Variants in RNLS observed in about 807,000 individuals in gnomAD.
RNLS encodes the protein renalase.
RNLS carries 39 observed loss-of-function variants against 39.8 expected under a neutral mutation model. The ratio of observed to expected loss-of-function variants is 0.98; its 90% CI spans 0.76 to 1.28. The LOEUF is 1.28. RNLS is among the 50% of genes most tolerant of loss of function. The pLI, the probability that RNLS is intolerant of heterozygous loss-of-function variation, is 0.00. For synonymous variants in RNLS, 147 were observed against 150.7 expected (o/e 0.98, Z 0.18); for missense variants, 410 against 413.3 (o/e 0.99, Z 0.07).
chr10:88,204,265 C>T, the RNLS span, among the ~76,000 whole-genome samples: 1 of 151,998 alleles, frequency 6.6e-6, no homozygotes, highest in Admixed American at 6.6e-5. Context: ...AACCCTAAGC[C>T]CTGTGCCTTG....
intron 4 of RNLS, among the ~76,000 whole-genome samples, chr10:88,471,094 A>AACCT (rs1201694391): frequency 6.6e-6 from 1 of 152,178 alleles, no homozygotes; most frequent in African/African-American, 2.4e-5. Context: ...AAGTAAAGGT[A>AACCT]ACCTACCTAC....
intron 4 of RNLS, among the ~76,000 whole-genome samples, chr10:88,494,843 G>C (rs1012925885): frequency 2.0e-5 from 3 of 152,102 alleles, no homozygotes; most frequent in African/African-American, 7.2e-5. Flanking sequence ...AAACAGTTCA[G>C]CAGAAATTTC....
intron 5 of RNLS, among the ~76,000 whole-genome samples, chr10:88,349,745 T>C (rs1406228489): frequency 1.3e-5 from 2 of 151,764 alleles, no homozygotes; most frequent in Non-Finnish European, 1.5e-5. Context: ...TATAAGTACA[T>C]ATATACATTG....
chr10:88,506,894 C>T (rs879840012), intron 4 of RNLS, among the ~76,000 whole-genome samples: 10 of 152,114 alleles, frequency 6.6e-5, no homozygotes, highest in Non-Finnish European at 1.3e-4. Flanking sequence ...GTGGAGGTAA[C>T]GGGGTTGGTC....
intron 4 of RNLS, among the ~76,000 whole-genome samples, chr10:88,445,935 A>G (rs1398090640): frequency 6.6e-6 from 1 of 152,236 alleles, no homozygotes; most frequent in African/African-American, 2.4e-5. Context: ...GATATCCAGG[A>G]ATTGAACTCA....
the RNLS span, among the ~76,000 whole-genome samples, chr10:88,188,179 C>T: frequency 4.6e-5 from 7 of 152,124 alleles, no homozygotes; most frequent in African/African-American, 1.7e-4. Flanking sequence ...GCCTCAGCCT[C>T]CTGCATAGCT....
At chr10:88,174,986 T>C in the RNLS span, among the ~76,000 whole-genome samples, 26,182 of 152,120 alleles carry the variant, frequency 0.17, 2,428 homozygotes, top group Non-Finnish European at 0.2. Context: ...TTCAATTTTG[T>C]TAGCTTATAT....
chr10:88,310,224 G>A (rs1282348697), intron 6 of RNLS, among the ~76,000 whole-genome samples: 1 of 151,892 alleles, frequency 6.6e-6, no homozygotes, highest in Non-Finnish European at 1.5e-5. Context: ...AAAAATGTAT[G>A]CGTAAATAAA....
In RNLS at chr10:88,300,812, A is replaced by G. The variant is rs1199085310; in HGVS notation, c.876+13654T>C. ...TATATAGTATTAATTTATAATCTGG[A>G]TATGACTACTAAACTTTTTTTGTTT... On this transcript the variant is annotated intron_variant, in intron 6 of 6. Coordinates refer to ENST00000331772, the MANE Select transcript of RNLS (RefSeq NM_001031709.3). 3.3e-5 allele frequency among the ~76,000 whole-genome samples: 5 copies of G among 152,222 alleles called. 1 individual carries two copies. Among genetic ancestry groups the G allele is most frequent in the African/African-American group, 1.2e-4 (5 of 41,458 alleles).
chr10:88,349,892 T>G (rs1160169952), intron 5 of RNLS, among the ~76,000 whole-genome samples: 3 of 152,082 alleles, frequency 2.0e-5, no homozygotes, highest in Non-Finnish European at 4.4e-5. Context: ...TTAAATTGCT[T>G]TAACAGATTT....
chr10:88,350,047 A>G (rs1329080272), intron 5 of RNLS, among the ~76,000 whole-genome samples: 1 of 152,114 alleles, frequency 6.6e-6, no homozygotes, highest in Non-Finnish European at 1.5e-5. Context: ...TTTTAAAACA[A>G]AAGCCCAAAC....
chr10:88,264,620 C>G, the RNLS span, among the ~76,000 whole-genome samples: 1 of 152,022 alleles, frequency 6.6e-6, no homozygotes, highest in Non-Finnish European at 1.5e-5. Flanking sequence ...GTTGGTTGCC[C>G]ATTTGTATAT....
At chr10:88,300,552 C>T (rs1844438722) in intron 6 of RNLS, among the ~76,000 whole-genome samples, 1 of 152,190 alleles carries the variant, frequency 6.6e-6, no homozygotes, top group Non-Finnish European at 1.5e-5. Context: ...CTTTTAGGAG[C>T]TACTTCTTAC....
chr10:88,541,777 T>C (rs1307603190), intron 4 of RNLS, among the ~76,000 whole-genome samples: 1 of 152,138 alleles, frequency 6.6e-6, no homozygotes, highest in East Asian at 1.9e-4. Flanking sequence ...AGAAATATCC[T>C]GGTTGTGCCC....
chr10:88,302,788 T>G (rs139190834), intron 6 of RNLS, among the ~76,000 whole-genome samples: 152 of 152,324 alleles, frequency 1.0e-3, no homozygotes, highest in Non-Finnish European at 1.9e-3. Context: ...AAGTTTGGTA[T>G]ATACATGATA....
intron 4 of RNLS, among the ~76,000 whole-genome samples, chr10:88,467,902 A>T (rs1301627041): frequency 6.6e-6 from 1 of 152,196 alleles, no homozygotes; most frequent in Non-Finnish European, 1.5e-5. Context: ...TATTTTAACA[A>T]GATCTTCAGG....
chr10:88,239,604 G>A, the RNLS span, among the ~76,000 whole-genome samples: 16 of 152,212 alleles, frequency 1.1e-4, no homozygotes, highest in African/African-American at 3.6e-4. Flanking sequence ...GCAGCTGCCC[G>A]ATGCTGCTTT....
At chr10:88,472,093 G>A (rs1201672450) in intron 4 of RNLS, among the ~76,000 whole-genome samples, 1 of 152,206 alleles carries the variant, frequency 6.6e-6, no homozygotes, top group Non-Finnish European at 1.5e-5. Flanking sequence ...AGCTGACCAA[G>A]GGCTAGTCCT....
At chr10:88,358,347 C>T (rs1849362157) in intron 5 of RNLS, among the ~76,000 whole-genome samples, 1 of 152,146 alleles carries the variant, frequency 6.6e-6, no homozygotes, top group African/African-American at 2.4e-5. Context: ...TGAAAGGTGA[C>T]ATCAAGTCAG....
Sources: gnomAD v4.1 joint callset for allele counts (sites outside exome capture counted in the v4.1 genomes callset) on GRCh38, gnomAD v4.1.1 for gene constraint, MANE v1.5 for transcripts, NCBI Gene and HGNC (gene_info 2026-07-23, HGNC 2026-07-21) for gene names.